NRXN3: variants seen among roughly 807,000 people sequenced by gnomAD.
The protein encoded by NRXN3 is neurexin III.
A neutral mutation model predicts 137.6 loss-of-function variants in NRXN3; 32 were observed. The ratio of observed to expected loss-of-function variants is 0.23; its 90% CI spans 0.18 to 0.31. The LOEUF (loss-of-function observed/expected upper bound fraction) is 0.31. Ranked by LOEUF, NRXN3 falls within the 10% of genes least tolerant of loss-of-function variation. The pLI, the probability that NRXN3 is intolerant of heterozygous loss-of-function variation, is 1.00. For missense variants in NRXN3, 1,574 were observed against 2,062.5 expected (o/e 0.76, Z 4.59); for synonymous variants, 798 against 784.5 (o/e 1.02, Z -0.29).
At chr14:78,987,224 G>A (rs1180630050) in intron 14 of NRXN3, among the ~76,000 whole-genome samples, 1 of 151,668 alleles carries the variant, frequency 6.6e-6, no homozygotes, top group Non-Finnish European at 1.5e-5. Flanking sequence ...ACATTCCCAG[G>A]TTGTGGTCGT....
intron 10 of NRXN3, among the ~76,000 whole-genome samples, chr14:78,883,627 G>C (rs1210373084): frequency 6.6e-6 from 1 of 152,168 alleles, no homozygotes; most frequent in Non-Finnish European, 1.5e-5. Context: ...TGTCCTTTTG[G>C]ATGAGGCTCA....
At chr14:78,693,018 G>A (rs532880491) in intron 6 of NRXN3, among the ~76,000 whole-genome samples, 1 of 152,008 alleles carries the variant, frequency 6.6e-6, no homozygotes, top group Admixed American at 6.5e-5. Flanking sequence ...AGGAGGTGGG[G>A]GTTGCAGTGA....
intron 2 of NRXN3, among the ~76,000 whole-genome samples, chr14:78,249,758 A>G (rs1413340644): frequency 1.3e-5 from 2 of 152,116 alleles, no homozygotes; most frequent in Non-Finnish European, 2.9e-5. Context: ...ATTTCTCACA[A>G]AACTCCTATG....
intron 16 of NRXN3, among the ~76,000 whole-genome samples, chr14:79,603,305 T>C (rs1459405116): frequency 1.3e-5 from 2 of 152,196 alleles, no homozygotes; most frequent in Non-Finnish European, 2.9e-5. Flanking sequence ...TGGTATTTGG[T>C]AGCTAATACA....
At position 78,435,412 on chromosome 14, in the gene NRXN3, G is replaced by T. The variant is rs150126410; in HGVS notation, c.757+137552G>T. Among the ~76,000 whole-genome samples the T allele has an allele frequency of 7.9e-5, 12 of 152,256 alleles. No homozygotes were observed. In the East Asian group the frequency reaches 2.3e-3, roughly 29 times the overall value. The stretch of plus-strand genomic sequence containing the variant: ...AAATGGGGAAACTGAGTCTCAGAAA[G>T]CTTCAGGGCTGTGGCTGAGGTTATA... On this transcript the variant is annotated intron_variant, in intron 4 of 20. Transcript: ENST00000335750.
intron 4 of NRXN3, among the ~76,000 whole-genome samples, chr14:78,362,637 T>C (rs2085303901): frequency 6.6e-6 from 1 of 152,122 alleles, no homozygotes; most frequent in Non-Finnish European, 1.5e-5. Context: ...TTATCCTATC[T>C]CTTTTGGTGC....
At position 79,289,333 on chromosome 14, in the gene NRXN3, A is replaced by G. The variant is rs145134382; in HGVS notation, c.3263-177888A>G. 3.7e-4 allele frequency among the ~76,000 whole-genome samples: 57 copies of G among 152,310 alleles called. 1 individual carries two copies. Among genetic ancestry groups the G allele is most frequent in the African/African-American group, 1.2e-3 (51 of 41,582 alleles). On this transcript the variant is annotated intron_variant, in intron 15 of 20. Coordinates refer to ENST00000335750, the MANE Select transcript of NRXN3 (RefSeq NM_001330195.2). ...CTTGCCAGGCCTTCCATTAAAATTA[A>G]TTATTGGCTGGGCGCAGTGGCTCAT...
chr14:78,873,657 A>G (rs1321591160), intron 10 of NRXN3, among the ~76,000 whole-genome samples: 3 of 152,160 alleles, frequency 2.0e-5, no homozygotes, highest in African/African-American at 7.2e-5. Context: ...AACAGCAGCA[A>G]AAGCATATTT....
intron 4 of NRXN3, among the ~76,000 whole-genome samples, chr14:78,368,145 G>A (rs1302715663): frequency 1.3e-5 from 2 of 152,138 alleles, no homozygotes; most frequent in Non-Finnish European, 2.9e-5. Flanking sequence ...TACTAAATTA[G>A]GCTGGCCTTC....
intron 19 of NRXN3, among the ~76,000 whole-genome samples, chr14:79,769,416 G>A (rs2099068728): frequency 6.6e-6 from 1 of 152,100 alleles, no homozygotes; most frequent in Admixed American, 6.6e-5. Flanking sequence ...CAGACTAACA[G>A]CAGATCTCTC....
At chr14:78,345,284 A>G (rs1168236406) in intron 4 of NRXN3, among the ~76,000 whole-genome samples, 1 of 152,208 alleles carries the variant, frequency 6.6e-6, no homozygotes, top group Non-Finnish European at 1.5e-5. Context: ...TTATGGCAGC[A>G]ATATTTCTCA....
chr14:79,096,864 G>A (rs117579631), intron 15 of NRXN3, among the ~76,000 whole-genome samples: 3 of 151,942 alleles, frequency 2.0e-5, no homozygotes, highest in East Asian at 1.9e-4. Context: ...CTCTCATGTC[G>A]ACCCCATTCT....
chr14:78,240,227 G>C (rs1038938148), intron 1 of NRXN3, among the ~76,000 whole-genome samples: 3 of 152,142 alleles, frequency 2.0e-5, no homozygotes, highest in Non-Finnish European at 2.9e-5. Context: ...ACCACTGGGG[G>C]TACCTGTGTG....
intron 15 of NRXN3, among the ~76,000 whole-genome samples, chr14:79,422,900 A>G (rs1005492497): frequency 6.6e-6 from 1 of 151,952 alleles, no homozygotes; most frequent in Non-Finnish European, 1.5e-5. Flanking sequence ...GGGTTTCACC[A>G]TATTGGCCAG....
At chr14:79,201,620 G>A (rs1307885209) in intron 15 of NRXN3, 1 of 152,136 alleles carries the variant, frequency 6.6e-6, no homozygotes, top group South Asian at 2.1e-4. Flanking sequence ...TAATAAAGAT[G>A]ATTGAAAGAC....
At chr14:79,572,107 G>A (rs896566676) in intron 16 of NRXN3, among the ~76,000 whole-genome samples, 2 of 152,046 alleles carry the variant, frequency 1.3e-5, no homozygotes, top group East Asian at 3.9e-4. Flanking sequence ...TCAAATAACT[G>A]TGAGTTATTA....
At chr14:78,320,565 C>T (rs1184989851) in intron 4 of NRXN3, among the ~76,000 whole-genome samples, 1 of 152,154 alleles carries the variant, frequency 6.6e-6, no homozygotes, top group Admixed American at 6.5e-5. Flanking sequence ...AGCATATAGT[C>T]AGAGGAATCG....
At chr14:78,881,576 T>C (rs954070231) in intron 10 of NRXN3, among the ~76,000 whole-genome samples, 2 of 151,474 alleles carry the variant, frequency 1.3e-5, no homozygotes, top group Non-Finnish European at 2.9e-5. Flanking sequence ...AACTTTGAAC[T>C]TGAGAGAGAT....
At chr14:78,665,492 G>T (rs1161230583) in intron 6 of NRXN3, among the ~76,000 whole-genome samples, 1 of 152,162 alleles carries the variant, frequency 6.6e-6, no homozygotes, top group East Asian at 1.9e-4. Context: ...CTCCCACCGG[G>T]TTCCTCTCAT....
Sources: gnomAD v4.1 joint callset for allele counts (sites outside exome capture counted in the v4.1 genomes callset) on GRCh38, gnomAD v4.1.1 for gene constraint, MANE v1.5 for transcripts, NCBI Gene and HGNC (gene_info 2026-07-23, HGNC 2026-07-21) for gene names.